DPH6: variants seen among roughly 807,000 people sequenced by gnomAD.
DPH6 encodes the protein diphthamine biosynthesis 6, also known as diphthine--ammonia ligase.
Under a neutral mutation model 38.2 loss-of-function variants are expected in DPH6, and 33 were observed. The ratio of observed to expected loss-of-function variants is 0.86; its 90% CI spans 0.65 to 1.15. The LOEUF (loss-of-function observed/expected upper bound fraction) is 1.15. DPH6 is among the 50% of genes most tolerant of loss of function. The pLI is 0.00. For synonymous variants in DPH6, 108 were observed against 103.0 expected (o/e 1.05, Z -0.30); for missense variants, 325 against 320.0 (o/e 1.02, Z -0.12).
the DPH6 span, among the ~76,000 whole-genome samples, chr15:35,195,038 C>T: frequency 6.6e-6 from 1 of 152,072 alleles, no homozygotes; most frequent in Non-Finnish European, 1.5e-5. Flanking sequence ...TTTATTTGTA[C>T]CCATTAATTA....
chr15:35,496,567 A>AAAAAAAAAAAAAAAAAAAAAAAAAATAT, intron 3 of DPH6, among the ~76,000 whole-genome samples: 2 of 31,012 alleles, frequency 6.4e-5, no homozygotes, highest in African/African-American at 2.7e-4. Flanking sequence ...AAAAAAAAAA[A>AAAAAAAAAAAAAAAAAAAAAAAAAATAT]ATATATATAT....
chr15:35,409,387 T>C (rs2053335950), intron 6 of DPH6, among the ~76,000 whole-genome samples: 1 of 151,956 alleles, frequency 6.6e-6, no homozygotes, highest in African/African-American at 2.4e-5. Context: ...CAGACCAAGT[T>C]GAGGAACTTG....
intron 3 of DPH6, chr15:35,490,074 T>C: frequency 1.0e-6 from 1 of 985,412 alleles, no homozygotes; most frequent in Non-Finnish European, 1.2e-6. Context: ...AATTATCTTC[T>C]TACTTGGCCT....
intron 7 of DPH6, among the ~76,000 whole-genome samples, chr15:35,381,063 C>A (rs998955921): frequency 6.6e-6 from 1 of 152,046 alleles, no homozygotes; most frequent in Admixed American, 6.5e-5. Context: ...TAGATCACTC[C>A]TTCCCTCATT....
intron 5 of DPH6, among the ~76,000 whole-genome samples, chr15:35,448,050 C>T (rs1308137583): frequency 1.3e-5 from 2 of 152,008 alleles, no homozygotes; most frequent in East Asian, 3.9e-4. Context: ...GGAGGTTTTC[C>T]AGTAATAGGT....
chr15:35,349,016 C>T (rs567153054), intron 3 of DPH6, among the ~76,000 whole-genome samples: 66 of 152,166 alleles, frequency 4.3e-4, no homozygotes, highest in East Asian at 7.7e-4. Flanking sequence ...CTGAAATTTA[C>T]GAATTCATTT....
At chr15:35,478,359 CCACA>C (rs1312492670) in intron 3 of DPH6, among the ~76,000 whole-genome samples, 2 of 101,018 alleles carry the variant, frequency 2.0e-5, no homozygotes, top group Non-Finnish European at 4.2e-5. Flanking sequence ...ACACACATAC[CCACA>C]CATACACACA....
downstream of DPH6, among the ~76,000 whole-genome samples, chr15:35,368,494 A>G (rs1452552059): frequency 6.6e-6 from 1 of 151,996 alleles, no homozygotes; most frequent in Non-Finnish European, 1.5e-5. Flanking sequence ...GAAAATCTAT[A>G]TGGCAGTGAA....
chr15:35,449,999 G>C (rs945193919), intron 5 of DPH6, among the ~76,000 whole-genome samples: 1 of 151,994 alleles, frequency 6.6e-6, no homozygotes, highest in Non-Finnish European at 1.5e-5. Flanking sequence ...TTCTATAACA[G>C]GTTCACGAAA....
chr15:35,164,782 T>C, the DPH6 span, among the ~76,000 whole-genome samples: 1 of 151,890 alleles, frequency 6.6e-6, no homozygotes, highest in African/African-American at 2.4e-5. Flanking sequence ...TCTTATAAAA[T>C]GTTCACTCTA....
chr15:35,467,922 T>C (rs904096166), intron 3 of DPH6, among the ~76,000 whole-genome samples: 17 of 152,218 alleles, frequency 1.1e-4, no homozygotes, highest in Admixed American at 2.0e-4. Flanking sequence ...GTGATGTCAA[T>C]AGGAGATTGG....
chr15:35,263,048 C>T (rs2051759592), intron 3 of DPH6, among the ~76,000 whole-genome samples: 1 of 152,098 alleles, frequency 6.6e-6, no homozygotes, highest in Non-Finnish European at 1.5e-5. Context: ...CTCTATTTGA[C>T]ACCATGAAGA....
chr15:35,176,489 A>C, the DPH6 span, among the ~76,000 whole-genome samples: 1 of 123,990 alleles, frequency 8.1e-6, no homozygotes, highest in African/African-American at 3.0e-5. Flanking sequence ...TTTTTTTTTT[A>C]AGATGGAGTT....
chr15:35,376,709 C>T (rs911499948), intron 7 of DPH6, among the ~76,000 whole-genome samples: 2 of 152,066 alleles, frequency 1.3e-5, no homozygotes, highest in African/African-American at 2.4e-5. Flanking sequence ...CATATTTTTA[C>T]TGTACCTTTT....
intron 3 of DPH6, among the ~76,000 whole-genome samples, chr15:35,319,292 A>G (rs2052219545): frequency 1.3e-5 from 2 of 152,172 alleles, no homozygotes; most frequent in African/African-American, 2.4e-5. Flanking sequence ...TCTTAAGATG[A>G]TATGTATCCT....
At chr15:35,503,172 GC>G (rs1488944582) in intron 3 of DPH6, among the ~76,000 whole-genome samples, 2 of 151,642 alleles carry the variant, frequency 1.3e-5, no homozygotes, top group African/African-American at 4.8e-5. Flanking sequence ...TTCCTAGAAT[GC>G]TTTATTTATA....
At chr15:35,269,483 T>C (rs1190579469) in intron 3 of DPH6, among the ~76,000 whole-genome samples, 1 of 152,258 alleles carries the variant, frequency 6.6e-6, no homozygotes, top group South Asian at 2.1e-4. Flanking sequence ...TTTTTTATTT[T>C]TATTTTTTTT....
At chr15:35,271,572 G>A (rs1022661920) in intron 3 of DPH6, among the ~76,000 whole-genome samples, 9 of 152,164 alleles carry the variant, frequency 5.9e-5, no homozygotes, top group Non-Finnish European at 1.3e-4. Flanking sequence ...ATAGAGTAGA[G>A]GCAGTTGGAG....
At chr15:35,327,122 A>G (rs963805976), downstream of DPH6, among the ~76,000 whole-genome samples, 1 of 152,098 alleles carries the variant, frequency 6.6e-6, no homozygotes, top group African/African-American at 2.4e-5. Flanking sequence ...ATTTCCATAT[A>G]AGGAAGCTGC....
Sources: allele counts gnomAD v4.1 joint callset (sites outside exome capture counted in the v4.1 genomes callset), GRCh38; gene constraint gnomAD v4.1.1; transcripts MANE v1.5; gene names NCBI Gene and HGNC (gene_info 2026-07-23, HGNC 2026-07-21).